AP5Z1: variants seen among roughly 807,000 people sequenced by gnomAD.
The protein encoded by AP5Z1 is adaptor related protein complex 5 subunit zeta 1, also known as AP-5 complex subunit zeta-1.
A neutral mutation model predicts 83.0 loss-of-function variants in AP5Z1; 106 were observed. The observed-to-expected ratio is 1.28, with a 90% CI of 1.09 to 1.50. The LOEUF is 1.50. Ranked by LOEUF, AP5Z1 falls within the 40% of genes most tolerant of loss-of-function variation. The pLI, the probability that AP5Z1 is intolerant of heterozygous loss-of-function variation, is 0.00. For synonymous variants in AP5Z1, 751 were observed against 514.1 expected (o/e 1.46, Z -6.23); for missense variants, 1,565 against 1,094.2 (o/e 1.43, Z -6.07).
Position 4,787,529 on chromosome 7 carries a change from G to A in AP5Z1, c.1312-105G>A. ...AGGAGGCAAAGGTAGAAGCCCTCCT[G>A]GGGACTGCAGGTCTGGGACAGCTGT... On this transcript the variant is annotated intron_variant, in intron 10 of 16. Coordinates refer to ENST00000649063, the MANE Select transcript of AP5Z1 (RefSeq NM_014855.3). The A allele has an allele frequency of 7.6e-6, 11 of 1,451,450 alleles. No individual in the cohort carries two copies. In the South Asian group the frequency reaches 9.6e-5, roughly 13 times the overall value. 89.9% of individuals were successfully genotyped at this position (1,451,450 alleles called of 1,614,324 possible).
chr7:4,787,757 G>C lies in AP5Z1; in HGVS notation c.1435G>C (p.Val479Leu), dbSNP rs543537643. 7.1e-6 allele frequency: 11 copies of C among 1,539,640 alleles called. No individual in the cohort carries two copies. The highest frequency in any genetic ancestry group is 3.6e-5 in the South Asian group (3 of 84,008). ...GCTGGACCTGCCCTGCTTGACGGCG[G>C]TGCTGGACCTGCAGCTCAGGTGGGC... ...ALLDLPCLTA[V>L]LDLQLRSAPA... Residue 479 changes from valine to leucine, a missense_variant, in exon 11 of 17, where the codon GTG (valine) becomes CTG (leucine). Transcript: ENST00000649063.
chr7:4,785,841 A>C lies in AP5Z1; in HGVS notation c.1132+157A>C, dbSNP rs543341013. ...AGGCTGGTCTGGAACTCGTGGCCTCAAGCGATCCTCCTGCCTTGGCCTCCC... is the reference window on the plus strand; with the variant it reads ...AGGCTGGTCTGGAACTCGTGGCCTCCAGCGATCCTCCTGCCTTGGCCTCCC... On this transcript the variant is annotated intron_variant, in intron 9 of 16. Transcript: ENST00000649063. 1.1e-4 allele frequency among the ~76,000 whole-genome samples: 16 copies of C among 149,270 alleles called. No individual in the cohort carries two copies. In the South Asian group the frequency reaches 2.3e-3, roughly 22 times the overall value.
intron 13 of AP5Z1, chr7:4,789,162 T>G: frequency 1.4e-5 from 7 of 508,410 alleles, no homozygotes; most frequent in African/African-American, 2.0e-5. Context: ...GCAGGCCCCG[T>G]TCCCCAGTCC....
intron 1 of AP5Z1, among the ~76,000 whole-genome samples, chr7:4,778,461 C>G (rs1032393552): frequency 1.3e-5 from 2 of 152,030 alleles, no homozygotes; most frequent in Non-Finnish European, 2.9e-5. Flanking sequence ...ATGTATCAGG[C>G]ACAGGGTCTG....
intron 14 of AP5Z1, 178 bp from the exon 15 acceptor site, chr7:4,790,281 C>T (rs754174847): frequency 2.0e-5 from 31 of 1,544,148 alleles, no homozygotes; most frequent in East Asian, 7.3e-5. Context: ...CTGGTGCCAG[C>T]CTTCTCCCCA....
In AP5Z1 at chr7:4,784,282, A is replaced by T. The variant is rs767413099; in HGVS notation, c.701A>T (p.Asp234Val). ...CTCTCCAGCGGCCACCGCTTCACAG[A>T]CGACCAGTGGCTGAACGTGCAGGCC... is the stretch of plus-strand genomic sequence containing the variant. ...TVLSSGHRFT[D>V]DQWLNVQAFS... The change falls in exon 6 of 17, where the codon GAC becomes GTC. Residue 234 changes from aspartate (D) to valine (V), a missense_variant. Coordinates refer to ENST00000649063, the MANE Select transcript of AP5Z1 (RefSeq NM_014855.3). The T allele has an allele frequency of 1.9e-6, 3 of 1,602,348 alleles. No individual in the cohort carries two copies. Among genetic ancestry groups the T allele is most frequent in the Non-Finnish European group, 2.6e-6 (3 of 1,175,542 alleles).
Position 4,775,641 on chromosome 7 carries a change from G to A in AP5Z1, c.-75G>A. Reference sequence around the variant, plus strand: ...CTCACGTGACGCGGTCCCGGAAGTTGACCGGGGTGCGGAGCTCCTGGGCTG... The same window carrying A: ...CTCACGTGACGCGGTCCCGGAAGTTAACCGGGGTGCGGAGCTCCTGGGCTG... On this transcript the variant is annotated 5_prime_UTR_variant, in exon 1 of 17. Coordinates refer to ENST00000649063, the MANE Select transcript of AP5Z1 (RefSeq NM_014855.3). 1 of 1,589,098 alleles carries A rather than the reference G, an allele frequency of 6.3e-7. No individual in the cohort carries two copies. The highest frequency in any genetic ancestry group is 8.5e-7 in the Non-Finnish European group (1 of 1,171,436).
chr7:4,783,761 A>G lies in AP5Z1; in HGVS notation c.584A>G (p.His195Arg), dbSNP rs117659667. ...RYASLQQGLP[H>R]SGGFFSTPRA... is the part of the protein sequence containing the mutation. ...GCCAGCCTCCAGCAAGGGCTCCCACACTCCGGCGGCTTCTTCTCCACGCCC... is the reference window on the plus strand; with the variant it reads ...GCCAGCCTCCAGCAAGGGCTCCCACGCTCCGGCGGCTTCTTCTCCACGCCC... The change falls in exon 5 of 17, where the codon CAC (histidine) becomes CGC (arginine). Residue 195 changes from histidine (H) to arginine (R), a missense_variant. His to Arg is a conservative substitution (Grantham distance 29). Transcript: ENST00000649063. 4.9e-4 allele frequency: 753 copies of G among 1,550,262 alleles called. 6 individuals are homozygous for G. In the East Asian group the frequency reaches 0.015, roughly 32 times the overall value.
At chr7:4,777,052 A>C (rs901159052) in intron 1 of AP5Z1, among the ~76,000 whole-genome samples, 1 of 152,170 alleles carries the variant, frequency 6.6e-6, no homozygotes, top group Non-Finnish European at 1.5e-5. Context: ...ACAGGACAAA[A>C]ATCTCTGATC....
rs746939195 is a variant in AP5Z1, at chr7:4,783,766, G to A, written c.589G>A (p.Gly197Ser). ...CCTCCAGCAAGGGCTCCCACACTCC[G>A]GCGGCTTCTTCTCCACGCCCAGGGC... The part of the protein sequence containing the change: ...ASLQQGLPHS[G>S]GFFSTPRARQ... Residue 197 changes from glycine (G) to serine (S), a missense_variant, in exon 5 of 17, where the codon GGC becomes AGC. By Grantham distance (56) the Gly-to-Ser change is moderately conservative. Transcript: ENST00000649063. 31 of 1,550,286 alleles carry A rather than the reference G, an allele frequency of 2.0e-5. No homozygotes were observed. Among genetic ancestry groups the A allele is most frequent in the Middle Eastern group, 1.7e-4 (1 of 6,012 alleles).
rs939207681 is a variant in AP5Z1, at chr7:4,785,123, A to G, written c.931+75A>G. ...CTCTGCAAGGCCACCTGAGGCCAGC[A>G]CAGCTTCCCTGAGCTACTGCTCCAC... is the stretch of plus-strand genomic sequence containing the variant. On this transcript the variant is annotated intron_variant, in intron 7 of 16. Transcript: ENST00000649063. The G allele has an allele frequency of 2.1e-5, 32 of 1,520,224 alleles. No individual in the cohort carries two copies. The Admixed American group carries it at 6.0e-4, about 28-fold the overall frequency. The allele number at this position is 1,520,224 out of a possible 1,614,324, so 94.2% of individuals were successfully genotyped here. A position where few individuals can be genotyped will look rare whatever the true frequency, so the allele number is the denominator to read the frequency against.
At chr7:4,785,343 G>A in intron 7 of AP5Z1, 72 bp from the exon 8 acceptor site, 1 of 1,559,932 alleles carries the variant, frequency 6.4e-7, no homozygotes, top group South Asian at 1.2e-5. Context: ...AGCTTCCAGA[G>A]CACAAGCTGC....
intron 1 of AP5Z1, among the ~76,000 whole-genome samples, chr7:4,780,895 CCTT>C (rs1781362939): frequency 6.6e-6 from 1 of 152,162 alleles, no homozygotes; most frequent in African/African-American, 2.4e-5. Context: ...CGGTTTTAGT[CCTT>C]CTGCCCTGGG....
intron 14 of AP5Z1, 74 bp from the exon 15 acceptor site, chr7:4,790,385 C>T: frequency 1.9e-6 from 3 of 1,606,558 alleles, no homozygotes; most frequent in Non-Finnish European, 8.5e-7. Context: ...CCGGGTTTCT[C>T]CAGGCCCTTG....
At chr7:4,787,859 C>A in intron 11 of AP5Z1, 83 bp downstream of exon 11, 1 of 1,442,648 alleles carries the variant, frequency 6.9e-7, no homozygotes, top group Non-Finnish European at 9.2e-7. Flanking sequence ...TGCTCCTGAC[C>A]CCTACACCGG....
At chr7:4,775,903 AAC>A in intron 1 of AP5Z1, 147 bp downstream of exon 1, 2 of 1,224,574 alleles carry the variant, frequency 1.6e-6, no homozygotes, top group Admixed American at 2.4e-5. Flanking sequence ...CGGGTAAGGC[AAC>A]ACGGCGGCCA....
In AP5Z1 at chr7:4,791,495, G is replaced by A; in HGVS notation, c.*110G>A. On this transcript the variant is annotated 3_prime_UTR_variant, in exon 17 of 17. Transcript: ENST00000649063. ...AGGGCGCGGGAGTCCTGGGAGAGGAGGCAAGGCCCACGGTGGGCTTGGCAC... is the reference window on the plus strand; with the variant it reads ...AGGGCGCGGGAGTCCTGGGAGAGGAAGCAAGGCCCACGGTGGGCTTGGCAC... 3 of 1,442,406 alleles carry A rather than the reference G, an allele frequency of 2.1e-6. No individual in the cohort carries two copies. The highest frequency in any genetic ancestry group is 2.8e-6 in the Non-Finnish European group (3 of 1,083,224). 89.4% of individuals were successfully genotyped at this position (1,442,406 alleles called of 1,614,324 possible). A position where few individuals can be genotyped will look rare whatever the true frequency, so the allele number is the denominator to read the frequency against.
intron 3 of AP5Z1, among the ~76,000 whole-genome samples, chr7:4,782,279 C>A (rs987295222): frequency 6.6e-6 from 1 of 152,148 alleles, no homozygotes; most frequent in Admixed American, 6.5e-5. Flanking sequence ...TGGTCTCAAA[C>A]TTCTGGGCTC....
At chr7:4,780,346 G>A (rs1163030956) in intron 1 of AP5Z1, among the ~76,000 whole-genome samples, 1 of 152,194 alleles carries the variant, frequency 6.6e-6, no homozygotes, top group African/African-American at 2.4e-5. Flanking sequence ...CAGGCCAGGC[G>A]TGGTGGCTCA....
Sources: gnomAD v4.1 joint callset for allele counts (sites outside exome capture counted in the v4.1 genomes callset) on GRCh38, gnomAD v4.1.1 for gene constraint, MANE v1.5 for transcripts, NCBI Gene and HGNC (gene_info 2026-07-23, HGNC 2026-07-21) for gene names.